Variants in STK36 observed in about 807,000 individuals in gnomAD.
STK36 encodes serine/threonine kinase 36.
A neutral mutation model predicts 142.2 loss-of-function variants in STK36; 116 were observed. The observed-to-expected ratio is 0.82, with a 90% CI of 0.70 to 0.95. STK36 has a LOEUF of 0.95. Ranked by LOEUF, STK36 falls within the 40% of genes least tolerant of loss-of-function variation. The probability of loss-of-function intolerance (pLI) is 0.00; values close to 1 mark genes in which losing one functional copy is unlikely to be tolerated. For missense variants in STK36, 1,422 were observed against 1,617.2 expected, an observed-to-expected ratio of 0.88 and a Z score of 2.07; for synonymous variants, 619 against 641.7, an observed-to-expected ratio of 0.96 and a Z score of 0.53.
rs949962388 is a variant in STK36 at position 218,676,197 on chromosome 2, T to C, written c.603T>C (p.Tyr201=). 13 of 1,614,072 alleles carry C rather than the reference T, an allele frequency of 8.1e-6. No individual in the cohort carries two copies. Among genetic ancestry groups the C allele is most frequent in the Non-Finnish European group, 1.0e-5 (12 of 1,180,046 alleles). The change falls in exon 6 of 27, where the codon TAT becomes TAC. Residue 201 remains tyrosine (Y), a synonymous_variant. Transcript: ENST00000295709. ...YELAVGTPPF[Y]ATSIFQLVSL... is the part of the protein sequence containing the mutation. ...TGGCAGTAGGCACCCCTCCCTTCTATGCTACAAGCATCTTTCAGCTGGTCA... is the reference window on the plus strand; with the variant it reads ...TGGCAGTAGGCACCCCTCCCTTCTACGCTACAAGCATCTTTCAGCTGGTCA...
intron 10 of STK36, among the ~76,000 whole-genome samples, 189 bp downstream of exon 10, chr2:218,680,891 A>G (rs925268453): frequency 2.0e-5 from 3 of 152,246 alleles, no homozygotes; most frequent in Non-Finnish European, 2.9e-5. Context: ...ATGGAAACAC[A>G]TAGGTAAAAA....
chr2:218,698,641 C>T lies in STK36; in HGVS notation c.3097C>T (p.Pro1033Ser). 2 of 1,614,142 alleles carry T rather than the reference C, an allele frequency of 1.2e-6. No individual in the cohort carries two copies. Among genetic ancestry groups the T allele is most frequent in the Non-Finnish European group, 1.7e-6 (2 of 1,179,994 alleles). Residue 1033 changes from proline to serine, a missense_variant, in exon 26 of 27, where the codon CCC (proline) becomes TCC (serine). Physicochemically the swap from Pro to Ser is moderately conservative, Grantham distance 74. Around this residue, in one of 2 missense-constraint regions of STK36, gnomAD observed 962 missense variants for 1,167.5 expected, o/e 0.82. Coordinates refer to ENST00000295709, the MANE Select transcript of STK36 (RefSeq NM_015690.5). ...TCTTCCGTTGATGCAAGTGGAGCTG[C>T]CCATCAGCCTTCTCACACGCCTGGC... The part of the protein sequence containing the change: ...YHLPLMQVEL[P>S]ISLLTRLALM...
At position 218,685,195 on chromosome 2, in the gene STK36, C is replaced by T; in HGVS notation, c.1347C>T (p.Arg449=). 1 of 1,614,202 alleles carries T rather than the reference C, an allele frequency of 6.2e-7. No individual in the cohort carries two copies. The highest frequency in any genetic ancestry group is 1.1e-5 in the South Asian group (1 of 91,084). The change falls in exon 11 of 27, where the codon CGC becomes CGT. Residue 449 remains arginine, a synonymous_variant. Transcript: ENST00000295709. ...TGTGTAATCCTGACTTCTGCCAGCG[C>T]ATCCAGAGTCAGCTGCATGAAGCTG... The part of the protein sequence containing the change: ...TLLCNPDFCQ[R]IQSQLHEAGG...
intron 4 of STK36, among the ~76,000 whole-genome samples, chr2:218,674,400 G>C (rs1940139198): frequency 6.6e-6 from 1 of 151,980 alleles, no homozygotes; most frequent in South Asian, 2.1e-4. Context: ...AAAGGTTGTG[G>C]GGAGTCAGGA....
Position 218,688,719 on chromosome 2 carries a change from G to T in STK36, c.1403G>T (p.Gly468Val), listed in dbSNP as rs1463698943. 1.9e-6 allele frequency: 3 copies of T among 1,613,246 alleles called. No homozygotes were observed. Among genetic ancestry groups the T allele is most frequent in the Non-Finnish European group, 2.5e-6 (3 of 1,179,768 alleles). ...GGQILKGILE[G>V]ASHILPAFRV... is the part of the protein sequence containing the mutation. ...CAGATCCTGAAAGGCATCTTGGAGG[G>T]TGCTTCCCACATCCTGCCTGCATTC... Residue 468 changes from glycine to valine, a missense_variant, in exon 12 of 27, where the codon GGT (glycine) becomes GTT (valine). Around this residue, in one of 2 missense-constraint regions of STK36, gnomAD observed 962 missense variants for 1,167.5 expected, o/e 0.82. Coordinates refer to ENST00000295709, the MANE Select transcript of STK36 (RefSeq NM_015690.5).
At chr2:218,701,799 A>G in intron 26 of STK36, 67 bp from the exon 27 acceptor site, 2 of 1,582,222 alleles carry the variant, frequency 1.3e-6, no homozygotes, top group Non-Finnish European at 1.7e-6. Flanking sequence ...AGTCCTCCGC[A>G]CCTGCCCCAG....
At chr2:218,696,901 G>A (rs1321317081) in intron 22 of STK36, 138 bp from the exon 23 acceptor site, 1 of 1,254,366 alleles carries the variant, frequency 8.0e-7, no homozygotes, top group East Asian at 2.3e-5. Context: ...TAAGACGACA[G>A]GGAAATACTA....
At chr2:218,690,640 C>A in intron 14 of STK36, 85 bp downstream of exon 14, 2 of 1,075,208 alleles carry the variant, frequency 1.9e-6, no homozygotes, top group South Asian at 1.3e-5. Context: ...TATGTAGGGT[C>A]AGATCAAGTT....
At chr2:218,682,751 G>A (rs767835760) in intron 10 of STK36, among the ~76,000 whole-genome samples, 9 of 152,024 alleles carry the variant, frequency 5.9e-5, no homozygotes, top group South Asian at 2.1e-4. Flanking sequence ...CTGCCACCAT[G>A]CCTGGCTAAT....
chr2:218,698,108 G>A, intron 25 of STK36, 107 bp downstream of exon 25: 3 of 1,471,422 alleles, frequency 2.0e-6, no homozygotes, highest in South Asian at 1.3e-5. Flanking sequence ...TGTAAGCATG[G>A]AACAGCTGGC....
intron 6 of STK36, among the ~76,000 whole-genome samples, chr2:218,677,045 T>C (rs901938519): frequency 6.6e-6 from 1 of 152,168 alleles, no homozygotes; most frequent in East Asian, 1.9e-4. Flanking sequence ...GCAATTCTTC[T>C]GCCTCAGCCT....
chr2:218,695,638 A>G (rs1307667736), intron 21 of STK36, among the ~76,000 whole-genome samples: 1 of 141,298 alleles, frequency 7.1e-6, no homozygotes, highest in Admixed American at 7.7e-5. Flanking sequence ...GGTTCAAGTG[A>G]TTCTCCTGCC....
rs113034947 is a variant in STK36, at chr2:218,685,292, A to T, written c.1380+64A>T. The T allele has an allele frequency of 2.5e-6, 4 of 1,588,770 alleles. No individual in the cohort carries two copies. In the African/African-American group the frequency reaches 5.4e-5, roughly 21 times the overall value. Reference sequence around the variant, plus strand: ...GTTTTCACAGATGGAGCATTGAAATACACTGACTTCAGGAGAAAGAGAAAG... The same window carrying T: ...GTTTTCACAGATGGAGCATTGAAATTCACTGACTTCAGGAGAAAGAGAAAG... On this transcript the variant is annotated intron_variant, in intron 11 of 26. Coordinates refer to ENST00000295709, the MANE Select transcript of STK36 (RefSeq NM_015690.5).
At chr2:218,673,528 C>G in intron 2 of STK36, 97 bp from the exon 3 acceptor site, 1 of 1,476,272 alleles carries the variant, frequency 6.8e-7, no homozygotes, top group Non-Finnish European at 9.1e-7. Flanking sequence ...CTCAAACACT[C>G]TAAAATCTGA....
chr2:218,692,344 C>A, intron 15 of STK36, 51 bp downstream of exon 15: 2 of 1,607,854 alleles, frequency 1.2e-6, no homozygotes, highest in African/African-American at 1.3e-5. Context: ...TTGCATAGGT[C>A]AGGCTCCGCT....
Position 218,700,547 on chromosome 2 carries a change from A to G in STK36, c.3804+1199A>G, listed in dbSNP as rs184672485. 2.4e-3 allele frequency among the ~76,000 whole-genome samples: 360 copies of G among 151,610 alleles called. 1 individual carries two copies. The Middle Eastern group carries it at 0.024, about 10-fold the overall frequency. On this transcript the variant is annotated intron_variant, in intron 26 of 26. Coordinates refer to ENST00000295709, the MANE Select transcript of STK36 (RefSeq NM_015690.5). ...CTCCCAAGTAGCTGGGATTACAGGC[A>G]CACACCACCTTACCTGGCTAATTTT...
chr2:218,694,655 G>A lies in STK36; in HGVS notation c.2511+20G>A. On this transcript the variant is annotated intron_variant, in intron 21 of 26. Transcript: ENST00000295709. This position sits in a 1 kb window ranked among gnomAD's most constrained non-coding sequence, Gnocchi z 4.4. ...GCAGAGGTGAGGCCCCCCAGGGAGG[G>A]CACAGACATGTTTTCTCTGAGTCAG... 1 of 1,603,004 alleles carries A rather than the reference G, an allele frequency of 6.2e-7. No homozygotes were observed. Among genetic ancestry groups the A allele is most frequent in the Non-Finnish European group, 8.5e-7 (1 of 1,169,924 alleles).
Position 218,692,255 on chromosome 2 carries a change from G to A in STK36, c.1877G>A (p.Gly626Asp), listed in dbSNP as rs766145174. 6.2e-7 allele frequency: 1 copy of A among 1,614,196 alleles called. No individual in the cohort carries two copies. The highest frequency in any genetic ancestry group is 8.5e-7 in the Non-Finnish European group (1 of 1,180,044). ...QQVVLDGLLH[G>D]LTVPQLPVHT... ...GTTGTCTTGGATGGGCTCCTTCATG[G>A]CTTGACAGTTCCACAGCTCCCTGTC... Residue 626 changes from glycine to aspartate, a missense_variant, in exon 15 of 27, where the codon GGC becomes GAC. Gly to Asp is a moderately conservative substitution (Grantham distance 94, BLOSUM62 -1). Transcript: ENST00000295709.
Position 218,697,896 on chromosome 2 carries a change from C to T in STK36, c.2952C>T (p.Val984=). The T allele has an allele frequency of 1.2e-6, 2 of 1,614,186 alleles. No homozygotes were observed. Among genetic ancestry groups the T allele is most frequent in the Non-Finnish European group, 1.7e-6 (2 of 1,180,024 alleles). Residue 984 remains valine, a synonymous_variant, in exon 25 of 27, where the codon GTC becomes GTT. Coordinates refer to ENST00000295709, the MANE Select transcript of STK36 (RefSeq NM_015690.5). ...SEFLPVVVLS[V]CQLLCFPFAL... ...TTCTCCCTGTCGTGGTGCTCTCTGTCTGCCAGCTCCTTTGCTTCCCCTTTG... is the reference window on the plus strand; with the variant it reads ...TTCTCCCTGTCGTGGTGCTCTCTGTTTGCCAGCTCCTTTGCTTCCCCTTTG...
Sources: allele counts gnomAD v4.1 joint callset (sites outside exome capture counted in the v4.1 genomes callset), GRCh38; gene constraint gnomAD v4.1.1; regional missense constraint gnomAD v4.1.1; non-coding constraint Gnocchi (gnomAD v3.1); transcripts MANE v1.5; gene names NCBI Gene and HGNC (gene_info 2026-07-23, HGNC 2026-07-21).